The following COPS9 variants were observed in gnomAD, a reference collection of about 807,000 sequenced individuals.
COPS9 encodes the protein COP9 signalosome subunit 9, also known as COP9 signalosome complex subunit 9.
Under a neutral mutation model 7.2 loss-of-function variants are expected in COPS9, and 8 were observed. The observed-to-expected ratio is 1.11, with a 90% CI of 0.65 to 2.00. COPS9 has a LOEUF of 2.00. Among genes scored for constraint, COPS9 ranks in the 30% most tolerant of loss-of-function variants. COPS9 has a pLI of 0.00. For missense variants in COPS9, 74 were observed against 77.7 expected, an observed-to-expected ratio of 0.95 and a Z score of 0.18; for synonymous variants, 39 against 28.7, an observed-to-expected ratio of 1.36 and a Z score of -1.14.
chr2:240,135,706 C>T (rs912659876), intron 1 of COPS9, among the ~76,000 whole-genome samples: 1 of 152,210 alleles, frequency 6.6e-6, no homozygotes, highest in Non-Finnish European at 1.5e-5. Context: ...TCTCCTTTTC[C>T]GCTCCGACAG....
rs932442256 is a variant in COPS9, at chr2:240,135,279, T to C, written c.63+943A>G. The stretch of plus-strand genomic sequence containing the variant: ...CCACTACCTGGCAAACACCAATGTG[T>C]CCCCCAGCATTTGGCCACAGAGTCG... On this transcript the variant is annotated intron_variant, in intron 1 of 2. Coordinates refer to ENST00000607357, the MANE Select transcript of COPS9 (RefSeq NM_001163424.2). 2.0e-5 allele frequency among the ~76,000 whole-genome samples: 3 copies of C among 152,084 alleles called. No homozygotes were observed. In the South Asian group the frequency reaches 6.2e-4, roughly 32 times the overall value.
downstream of COPS9, chr2:240,127,042 G>T: frequency 7.1e-7 from 1 of 1,416,812 alleles, no homozygotes; most frequent in Non-Finnish European, 9.6e-7. Flanking sequence ...CCAGTGAGAA[G>T]ACAAGTATTT....
At chr2:240,127,318 G>C (rs1241576722), downstream of COPS9, among the ~76,000 whole-genome samples, 1 of 139,048 alleles carries the variant, frequency 7.2e-6, no homozygotes, top group Non-Finnish European at 1.5e-5. Flanking sequence ...AAACCACCCA[G>C]AGGCAGTTAG....
chr2:240,133,521 G>A lies in COPS9; in HGVS notation c.136+412C>T, dbSNP rs60767772. Among the ~76,000 whole-genome samples, 841 of 152,334 alleles carry A rather than the reference G, an allele frequency of 5.5e-3. 7 individuals are homozygous for A. Among genetic ancestry groups the A allele is most frequent in the African/African-American group, 0.013 (533 of 41,568 alleles). On this transcript the variant is annotated intron_variant, in intron 2 of 2. Coordinates refer to ENST00000607357, the MANE Select transcript of COPS9 (RefSeq NM_001163424.2). ...GGCAGCTGAGGGCATGAGAACCCAG[G>A]CAGGCAAACACAGGTGGGCTGGGAG...
At chr2:240,128,265 G>A (rs2071887257), downstream of COPS9, among the ~76,000 whole-genome samples, 2 of 152,182 alleles carry the variant, frequency 1.3e-5, no homozygotes, top group African/African-American at 2.4e-5. Flanking sequence ...AACTGTTGTG[G>A]AGAAAGATTT....
At chr2:240,130,791 T>G, downstream of COPS9, 1 of 1,364,332 alleles carries the variant, frequency 7.3e-7, no homozygotes, top group South Asian at 2.0e-5. Flanking sequence ...GACTGCAACA[T>G]TCACTCATAA....
At position 240,135,931 on chromosome 2, in the gene COPS9, C is replaced by T. The variant is rs1454440185; in HGVS notation, c.63+291G>A. On this transcript the variant is annotated intron_variant, in intron 1 of 2. Transcript: ENST00000607357. ...GCAGCAAACGCAACTCCTCTGACCACGGGTGTGTTCCCGGGGGCCGTGGGG... is the reference window on the plus strand; with the variant it reads ...GCAGCAAACGCAACTCCTCTGACCATGGGTGTGTTCCCGGGGGCCGTGGGG... The T allele has an allele frequency of 8.6e-6, 4 of 465,444 alleles. No individual in the cohort carries two copies. In the East Asian group the frequency reaches 1.1e-4, roughly 13 times the overall value. 28.8% of individuals were successfully genotyped at this position (465,444 alleles called of 1,614,324 possible). A position where few individuals can be genotyped will look rare whatever the true frequency, so the allele number is the denominator to read the frequency against.
Position 240,136,205 on chromosome 2 carries a change from C to T in COPS9, c.63+17G>A. 6 of 1,528,782 alleles carry T rather than the reference C, an allele frequency of 3.9e-6. No homozygotes were observed. Among genetic ancestry groups the T allele is most frequent in the African/African-American group, 1.4e-5 (1 of 69,508 alleles). The allele number at this position is 1,528,782 out of a possible 1,614,324, so 94.7% of individuals were successfully genotyped here. On this transcript the variant is annotated intron_variant, in intron 1 of 2. Coordinates refer to ENST00000607357, the MANE Select transcript of COPS9 (RefSeq NM_001163424.2). ...CCCGCTCCCCACGCTCGGAGACTCC[C>T]GCCGGGCCCGTGCCACCTCGTCCAG...
chr2:240,134,281 C>T lies in COPS9; in HGVS notation c.64-276G>A, dbSNP rs2071951756. Reference sequence around the variant, plus strand: ...CCTACCACTGACCTAAGCACCACTACTTCTCTGTGCCCCTCAAGGAGAGCT... The same window carrying T: ...CCTACCACTGACCTAAGCACCACTATTTCTCTGTGCCCCTCAAGGAGAGCT... On this transcript the variant is annotated intron_variant, in intron 1 of 2. Coordinates refer to ENST00000607357, the MANE Select transcript of COPS9 (RefSeq NM_001163424.2). 6 of 378,154 alleles carry T rather than the reference C, an allele frequency of 1.6e-5. No homozygotes were observed. In the South Asian group the frequency reaches 2.2e-4, roughly 14 times the overall value. 23.4% of individuals were successfully genotyped at this position (378,154 alleles called of 1,614,324 possible).
chr2:240,133,989 C>G lies in COPS9; in HGVS notation c.80G>C (p.Gly27Ala). The G allele has an allele frequency of 6.2e-7, 1 of 1,614,154 alleles. No individual in the cohort carries two copies. The highest frequency in any genetic ancestry group is 8.5e-7 in the Non-Finnish European group (1 of 1,180,024). ...VDLDEAGGST[G>A]LLMDLAANEK... ...ATTGGCTGCCAAGTCCATCAAGAGC[C>G]CGGTGCTGCCTCCCGCCTGGGGAAT... The change falls in exon 2 of 3, where the codon GGG (glycine) becomes GCG (alanine). Residue 27 changes from glycine (G) to alanine (A), a missense_variant. Coordinates refer to ENST00000607357, the MANE Select transcript of COPS9 (RefSeq NM_001163424.2).
downstream of COPS9, chr2:240,129,869 T>TCC: frequency 1.3e-6 from 2 of 1,550,670 alleles, no homozygotes; most frequent in Non-Finnish European, 1.8e-6. Context: ...AGCCTCAACG[T>TCC]GCGGCCCAGT....
At chr2:240,129,815 C>T, downstream of COPS9, 1 of 1,093,698 alleles carries the variant, frequency 9.1e-7, no homozygotes, top group Non-Finnish European at 1.4e-6. Context: ...AAACCCTGCT[C>T]CTCGCCTGCA....
chr2:240,129,134 A>C (rs902722700), downstream of COPS9, among the ~76,000 whole-genome samples: 5 of 152,118 alleles, frequency 3.3e-5, no homozygotes, highest in Admixed American at 1.3e-4. Context: ...TGACATCCCC[A>C]TTCACCAAGG....
At chr2:240,131,826 G>T (rs994602370) in intron 2 of COPS9, among the ~76,000 whole-genome samples, 5 of 152,204 alleles carry the variant, frequency 3.3e-5, no homozygotes, top group Non-Finnish European at 7.3e-5. Context: ...CACTGAAAAT[G>T]TGCAGTATGA....
downstream of COPS9, among the ~76,000 whole-genome samples, chr2:240,128,407 A>AGT (rs2071888311): frequency 6.6e-6 from 1 of 152,292 alleles, no homozygotes; most frequent in South Asian, 2.1e-4. Context: ...TTTAATGGAC[A>AGT]GTGCTTCCTT....
downstream of COPS9, chr2:240,126,835 G>A (rs1170051083): frequency 6.8e-6 from 11 of 1,614,208 alleles, no homozygotes; most frequent in South Asian, 6.6e-5. Flanking sequence ...CACAGCGGAT[G>A]TTCTCTGCAT....
intron 2 of COPS9, among the ~76,000 whole-genome samples, chr2:240,133,497 G>C (rs1046061970): frequency 6.6e-6 from 1 of 152,186 alleles, no homozygotes; most frequent in Non-Finnish European, 1.5e-5. Flanking sequence ...CTCTGCAAAG[G>C]CAGCTGAGGG....
Position 240,136,304 on chromosome 2 carries a change from AG to A in COPS9, c.-21del. On this transcript the variant is annotated 5_prime_UTR_variant, in exon 1 of 3. Transcript: ENST00000607357. ...CTTCATCTCGGGGCCGCGGCGCTCT[AG>A]GCTCACTTCCGGCCTCAGAGCCGCT... 1 of 1,552,508 alleles carries A rather than the reference AG, an allele frequency of 6.4e-7. No individual in the cohort carries two copies. Among genetic ancestry groups the A allele is most frequent in the Non-Finnish European group, 8.7e-7 (1 of 1,153,576 alleles).
downstream of COPS9, chr2:240,130,813 A>C (rs2071914281): frequency 7.2e-7 from 1 of 1,385,632 alleles, no homozygotes; most frequent in Admixed American, 3.3e-5. Flanking sequence ...TGCAAGAAAG[A>C]GATCACTCCA....
Sources: gnomAD v4.1 joint callset for allele counts (sites outside exome capture counted in the v4.1 genomes callset) on GRCh38, gnomAD v4.1.1 for gene constraint, MANE v1.5 for transcripts, NCBI Gene and HGNC (gene_info 2026-07-23, HGNC 2026-07-21) for gene names.